Variants in KIAA1328 observed in about 807,000 individuals in gnomAD.
The protein encoded by KIAA1328 is protein hinderin.
Under a neutral mutation model 68.1 loss-of-function variants are expected in KIAA1328, and 52 were observed. The observed-to-expected ratio is 0.76, with a 90% CI of 0.61 to 0.96. The LOEUF (loss-of-function observed/expected upper bound fraction) is 0.96, where lower values mean the gene tolerates loss of function less well. Ranked by LOEUF, KIAA1328 falls within the 40% of genes least tolerant of loss-of-function variation. The pLI is 0.00. For synonymous variants in KIAA1328, 232 were observed against 239.4 expected (o/e 0.97, Z 0.28); for missense variants, 641 against 677.6 (o/e 0.95, Z 0.60).
intron 7 of KIAA1328, among the ~76,000 whole-genome samples, chr18:37,124,288 A>G (rs941947522): frequency 6.6e-6 from 1 of 152,116 alleles, no homozygotes; most frequent in Non-Finnish European, 1.5e-5. Flanking sequence ...TGCTCAAGCA[A>G]ATAATTTTAT....
chr18:37,199,743 C>T (rs2060072052), intron 9 of KIAA1328, among the ~76,000 whole-genome samples: 1 of 152,168 alleles, frequency 6.6e-6, no homozygotes, highest in Admixed American at 6.5e-5. Flanking sequence ...TTCTCCACAA[C>T]CTCACCAGCA....
intron 6 of KIAA1328, among the ~76,000 whole-genome samples, chr18:36,994,039 G>A (rs566584120): frequency 1.3e-5 from 2 of 151,654 alleles, no homozygotes; most frequent in Non-Finnish European, 2.9e-5. Flanking sequence ...GTGAGAAACT[G>A]AGGAATATCA....
At chr18:36,970,558 T>C (rs1363747268) in intron 6 of KIAA1328, among the ~76,000 whole-genome samples, 2 of 152,180 alleles carry the variant, frequency 1.3e-5, no homozygotes, top group African/African-American at 4.8e-5. Flanking sequence ...GAAAACCCCA[T>C]TGTCTGAGCC....
At chr18:37,153,199 A>G (rs898937442) in intron 7 of KIAA1328, among the ~76,000 whole-genome samples, 2 of 152,094 alleles carry the variant, frequency 1.3e-5, no homozygotes, top group African/African-American at 4.8e-5. Context: ...GCATTTAACC[A>G]CGGAACCAGA....
At position 36,974,598 on chromosome 18, in the gene KIAA1328, C is replaced by G. The variant is rs546342552; in HGVS notation, c.576+15163C>G. Among the ~76,000 whole-genome samples, 11 of 152,228 alleles carry G rather than the reference C, an allele frequency of 7.2e-5. No homozygotes were observed. In the East Asian group the frequency reaches 2.1e-3, roughly 29 times the overall value. ...ATCTTTGCTATTGTGAATAGTGTTGCAATAAACATACAAGTACATGTATCT... is the reference window on the plus strand; with the variant it reads ...ATCTTTGCTATTGTGAATAGTGTTGGAATAAACATACAAGTACATGTATCT... On this transcript the variant is annotated intron_variant, in intron 6 of 9. Coordinates refer to ENST00000280020, the MANE Select transcript of KIAA1328 (RefSeq NM_020776.3).
chr18:37,194,952 C>T (rs1350152781), intron 9 of KIAA1328, among the ~76,000 whole-genome samples: 2 of 152,298 alleles, frequency 1.3e-5, no homozygotes, highest in Non-Finnish European at 2.9e-5. Flanking sequence ...GCCACTGCGC[C>T]CAGCCTATGG....
intron 9 of KIAA1328, among the ~76,000 whole-genome samples, chr18:37,183,913 A>C (rs917760059): frequency 1.3e-5 from 2 of 152,128 alleles, no homozygotes; most frequent in African/African-American, 4.8e-5. Flanking sequence ...GTAATTTACT[A>C]GTGTGTTTTA....
rs764902796 is a variant in KIAA1328, at chr18:37,067,028, C to T, written c.715C>T (p.Leu239Phe). 1.9e-6 allele frequency: 3 copies of T among 1,613,920 alleles called. No individual in the cohort carries two copies. Among genetic ancestry groups the T allele is most frequent in the African/African-American group, 1.3e-5 (1 of 75,038 alleles). ...AGTCCAGGATTCAGCTTCAGAATCC[C>T]TTATAGCATTTAGGAATAATTCTTT... ...SAVQDSASES[L>F]IAFRNNSLKP... Residue 239 changes from leucine (L) to phenylalanine (F), a missense_variant, in exon 7 of 10, where the codon CTT becomes TTT. Physicochemically the swap from Leu to Phe is conservative, Grantham distance 22 (BLOSUM62 0). Transcript: ENST00000280020.
At chr18:36,960,762 T>G (rs551517668) in intron 6 of KIAA1328, among the ~76,000 whole-genome samples, 66 of 152,156 alleles carry the variant, frequency 4.3e-4, no homozygotes, top group African/African-American at 1.6e-3. Context: ...GAAAGGAATA[T>G]CATCAACATC....
intron 5 of KIAA1328, among the ~76,000 whole-genome samples, chr18:36,910,320 A>C (rs2049389085): frequency 6.6e-6 from 1 of 152,198 alleles, no homozygotes; most frequent in African/African-American, 2.4e-5. Context: ...GAAGGGATCC[A>C]GTTTCAGCTT....
At position 36,993,841 on chromosome 18, in the gene KIAA1328, C is replaced by G. The variant is rs2053284584; in HGVS notation, c.576+34406C>G. ...GAAATGGAGAAGAGGGTTTAATTAT[C>G]TCTATGGAGTAGTATTGGGAGTAAC... On this transcript the variant is annotated intron_variant, in intron 6 of 9. Coordinates refer to ENST00000280020, the MANE Select transcript of KIAA1328 (RefSeq NM_020776.3). Among the ~76,000 whole-genome samples the G allele has an allele frequency of 2.6e-5, 4 of 151,994 alleles. No individual in the cohort carries two copies. The South Asian group carries it at 8.3e-4, about 32-fold the overall frequency.
rs1035047619 is a variant in KIAA1328 at position 37,224,345 on chromosome 18, A to C, written c.*2118A>C. The C allele has an allele frequency of 3.0e-6, 3 of 985,424 alleles. No homozygotes were observed. Among genetic ancestry groups the C allele is most frequent in the Non-Finnish European group, 3.6e-6 (3 of 829,938 alleles). 61.0% of individuals were successfully genotyped at this position (985,424 alleles called of 1,614,324 possible). A position where few individuals can be genotyped will look rare whatever the true frequency, so the allele number is the denominator to read the frequency against. On this transcript the variant is annotated 3_prime_UTR_variant, in exon 10 of 10. Coordinates refer to ENST00000280020, the MANE Select transcript of KIAA1328 (RefSeq NM_020776.3). ...TAAAGGCTTTTTGGGGGTCACAGCC[A>C]CAGAGTGGAGTTTTATTGCTTCTTT...
At chr18:36,904,092 G>C (rs1051141714) in intron 5 of KIAA1328, among the ~76,000 whole-genome samples, 1 of 152,060 alleles carries the variant, frequency 6.6e-6, no homozygotes, top group African/African-American at 2.4e-5. Flanking sequence ...TCTTTTCTAA[G>C]ATCTCACAAA....
At chr18:37,119,742 A>G (rs1195940533) in intron 7 of KIAA1328, among the ~76,000 whole-genome samples, 1 of 152,192 alleles carries the variant, frequency 6.6e-6, no homozygotes, top group Non-Finnish European at 1.5e-5. Context: ...ATGTATGTAT[A>G]AAATGACAGT....
rs1017245756 is a variant in KIAA1328 at position 37,105,430 on chromosome 18, A to G, written c.1232+37885A>G. Among the ~76,000 whole-genome samples, 3 of 148,422 alleles carry G rather than the reference A, an allele frequency of 2.0e-5. No individual in the cohort carries two copies. The South Asian group carries it at 6.5e-4, about 32-fold the overall frequency. Reference sequence around the variant, plus strand: ...TGCTTGAGCCCAGGACTTCGAAGTTATAGTAAGCTATGAATGCTGCACTCT... The same window carrying G: ...TGCTTGAGCCCAGGACTTCGAAGTTGTAGTAAGCTATGAATGCTGCACTCT... On this transcript the variant is annotated intron_variant, in intron 7 of 9. Coordinates refer to ENST00000280020, the MANE Select transcript of KIAA1328 (RefSeq NM_020776.3).
intron 3 of KIAA1328, among the ~76,000 whole-genome samples, chr18:36,839,036 C>G (rs527711712): frequency 6.6e-6 from 1 of 152,184 alleles, no homozygotes; most frequent in African/African-American, 2.4e-5. Flanking sequence ...CCCATCCTAC[C>G]TTGGAGTAAT....
At chr18:37,194,125 A>C (rs2059960297) in intron 9 of KIAA1328, among the ~76,000 whole-genome samples, 1 of 152,208 alleles carries the variant, frequency 6.6e-6, no homozygotes. Flanking sequence ...CTGTAGGATA[A>C]ATTCCTAGAA....
chr18:37,110,282 A>G (rs1470151100), intron 7 of KIAA1328, among the ~76,000 whole-genome samples: 1 of 152,196 alleles, frequency 6.6e-6, no homozygotes, highest in Admixed American at 6.5e-5. Context: ...TATACTACTG[A>G]AATATTTGTA....
intron 7 of KIAA1328, among the ~76,000 whole-genome samples, chr18:37,149,848 A>C (rs1165868553): frequency 1.3e-5 from 2 of 152,206 alleles, no homozygotes; most frequent in African/African-American, 4.8e-5. Context: ...TGAAACTGTA[A>C]ATAAAATTAA....
Sources: allele counts gnomAD v4.1 joint callset (sites outside exome capture counted in the v4.1 genomes callset), GRCh38; gene constraint gnomAD v4.1.1; transcripts MANE v1.5; gene names NCBI Gene and HGNC (gene_info 2026-07-23, HGNC 2026-07-21).